CNTNAP2: variants seen among roughly 807,000 people sequenced by gnomAD.
CNTNAP2 encodes contactin-associated protein-like 2.
Under a neutral mutation model 155.2 loss-of-function variants are expected in CNTNAP2, and 98 were observed. The observed-to-expected ratio is 0.63, with a 90% confidence interval of 0.54 to 0.75. The LOEUF is 0.75. Ranked by LOEUF, CNTNAP2 falls within the 30% of genes least tolerant of loss-of-function variation. The pLI is 0.00. For missense variants in CNTNAP2, 1,727 were observed against 1,688.1 expected (o/e 1.02, Z -0.40); for synonymous variants, 651 against 631.2 (o/e 1.03, Z -0.47).
At chr7:147,333,916 G>T (rs987339357) in intron 9 of CNTNAP2, among the ~76,000 whole-genome samples, 7 of 152,140 alleles carry the variant, frequency 4.6e-5, no homozygotes, top group South Asian at 4.1e-4. Flanking sequence ...GGGATGTGTG[G>T]CTAAGATGGA....
intron 1 of CNTNAP2, among the ~76,000 whole-genome samples, chr7:146,176,699 T>A (rs1402633687): frequency 2.0e-5 from 3 of 152,176 alleles, no homozygotes; most frequent in African/African-American, 7.2e-5. Context: ...ATGATACGGC[T>A]AAGTTCCTGG....
intron 12 of CNTNAP2, among the ~76,000 whole-genome samples, chr7:147,622,115 G>A (rs79908209): frequency 0.07 from 10,592 of 151,934 alleles, 1,026 homozygotes; most frequent in African/African-American, 0.19. Context: ...GCATTTAACA[G>A]TGGAGTACCG....
chr7:148,118,095 A>C (rs757464596), intron 15 of CNTNAP2, 23 bp from the exon 16 acceptor site: 16 of 1,613,416 alleles, frequency 9.9e-6, no homozygotes, highest in Non-Finnish European at 1.3e-5. Context: ...AGTTAACCTG[A>C]TTTTTTTGTT....
chr7:146,965,831 G>C (rs1306688736), intron 3 of CNTNAP2, among the ~76,000 whole-genome samples: 1 of 152,180 alleles, frequency 6.6e-6, no homozygotes, highest in African/African-American at 2.4e-5. Context: ...ACACTTTTGA[G>C]TACAACAGGT....
chr7:147,096,638 A>G (rs1480273784), intron 4 of CNTNAP2, among the ~76,000 whole-genome samples: 2 of 152,244 alleles, frequency 1.3e-5, no homozygotes, highest in East Asian at 1.9e-4. Flanking sequence ...TGAGCATTGA[A>G]GTTGTGACTT....
chr7:147,832,589 ATATT>A (rs1438678514), intron 13 of CNTNAP2, among the ~76,000 whole-genome samples: 6 of 146,130 alleles, frequency 4.1e-5, no homozygotes, highest in African/African-American at 1.5e-4. Context: ...ATTGAAATAT[ATATT>A]TTTACGTTTC....
intron 12 of CNTNAP2, among the ~76,000 whole-genome samples, chr7:147,600,356 A>C (rs1800920122): frequency 6.6e-6 from 1 of 152,210 alleles, no homozygotes; most frequent in Admixed American, 6.5e-5. Context: ...TAGTAACATT[A>C]GGCTTTGTGG....
intron 3 of CNTNAP2, among the ~76,000 whole-genome samples, chr7:146,958,151 G>A (rs1309415196): frequency 2.6e-5 from 4 of 152,132 alleles, no homozygotes; most frequent in African/African-American, 9.7e-5. Context: ...ATGTGCCAAA[G>A]GCGAATGGCA....
At chr7:147,081,249 C>T (rs1345469758) in intron 4 of CNTNAP2, 2 of 152,002 alleles carry the variant, frequency 1.3e-5, no homozygotes, top group East Asian at 3.9e-4. Flanking sequence ...CAGTGGGATG[C>T]CTCTATCCAG....
chr7:148,196,859 T>A (rs955357625), intron 18 of CNTNAP2, among the ~76,000 whole-genome samples: 2 of 152,088 alleles, frequency 1.3e-5, no homozygotes, highest in African/African-American at 4.8e-5. Flanking sequence ...AGAGGCACAT[T>A]GAGATCCTTC....
chr7:146,151,661 T>TATATATAC (rs1798045958), intron 1 of CNTNAP2, among the ~76,000 whole-genome samples: 2 of 40,484 alleles, frequency 4.9e-5, no homozygotes, highest in Non-Finnish European at 9.3e-5. Context: ...TATATATATA[T>TATATATAC]ATATATATAT....
intron 3 of CNTNAP2, among the ~76,000 whole-genome samples, chr7:147,018,344 A>G (rs1405893139): frequency 6.6e-6 from 1 of 152,074 alleles, no homozygotes; most frequent in South Asian, 2.1e-4. Context: ...CTTGTCCTAT[A>G]ATACCCACTC....
chr7:147,503,153 G>T (rs751512072), intron 11 of CNTNAP2, among the ~76,000 whole-genome samples: 2 of 152,174 alleles, frequency 1.3e-5, no homozygotes, highest in African/African-American at 2.4e-5. Context: ...AAATTTCTAG[G>T]AAAGACTTTT....
chr7:147,137,077 T>C (rs1801496828), intron 8 of CNTNAP2, among the ~76,000 whole-genome samples: 1 of 151,736 alleles, frequency 6.6e-6, no homozygotes, highest in Non-Finnish European at 1.5e-5. Flanking sequence ...TAAGTTTTTC[T>C]GATTCTAAGA....
intron 3 of CNTNAP2, among the ~76,000 whole-genome samples, chr7:146,932,902 G>A (rs1796809604): frequency 6.6e-6 from 1 of 152,086 alleles, no homozygotes; most frequent in Admixed American, 6.5e-5. Context: ...ACCTCTTCAA[G>A]GAGAACTACA....
At chr7:147,963,227 A>G (rs1279175369) in intron 14 of CNTNAP2, among the ~76,000 whole-genome samples, 2 of 152,156 alleles carry the variant, frequency 1.3e-5, no homozygotes, top group Non-Finnish European at 2.9e-5. Context: ...AGTAGGATAC[A>G]TAGTAAGAAT....
chr7:147,034,049 A>G (rs1230934991), intron 3 of CNTNAP2, among the ~76,000 whole-genome samples: 1 of 152,130 alleles, frequency 6.6e-6, no homozygotes, highest in Non-Finnish European at 1.5e-5. Flanking sequence ...CCTTAATTAT[A>G]TGCTAAATAA....
At chr7:148,022,477 A>AAAAAAAAG (rs1238761234) in intron 15 of CNTNAP2, among the ~76,000 whole-genome samples, 14 of 137,254 alleles carry the variant, frequency 1.0e-4, no homozygotes, top group African/African-American at 2.7e-4. Context: ...TCAAAAAAAA[A>AAAAAAAAG]AAAAAAAGAA....
intron 2 of CNTNAP2, among the ~76,000 whole-genome samples, chr7:146,831,897 TA>T (rs1199086299): frequency 1.3e-5 from 2 of 152,142 alleles, no homozygotes; most frequent in African/African-American, 4.8e-5. Context: ...CTGTTTTGCT[TA>T]AAAAATAGCT....
Sources: gnomAD v4.1 joint callset for allele counts (sites outside exome capture counted in the v4.1 genomes callset) on GRCh38, gnomAD v4.1.1 for gene constraint, MANE v1.5 for transcripts, NCBI Gene and HGNC (gene_info 2026-07-23, HGNC 2026-07-21) for gene names.